Variants in CPNE5 observed in about 807,000 individuals in gnomAD.
The protein encoded by CPNE5 is copine 5.
CPNE5 carries 42 observed loss-of-function variants against 81.1 expected under a neutral mutation model. The observed-to-expected ratio is 0.52, with a 90% CI of 0.40 to 0.67. The LOEUF (loss-of-function observed/expected upper bound fraction) is 0.67, where lower values mean the gene tolerates loss of function less well. Among genes scored for constraint, CPNE5 ranks in the 30% least tolerant of loss-of-function variants. The pLI is 0.00. For synonymous variants in CPNE5, 313 were observed against 321.5 expected, an observed-to-expected ratio of 0.97 and a Z score of 0.28; for missense variants, 612 against 815.5, an observed-to-expected ratio of 0.75 and a Z score of 3.04.
chr6:36,822,982 G>T, intron 2 of CPNE5, 76 bp downstream of exon 2: 2 of 1,292,738 alleles, frequency 1.5e-6, no homozygotes, highest in Non-Finnish European at 2.1e-6. Context: ...CTCAGTAAGG[G>T]CTCAAGCATT....
intron 3 of CPNE5, among the ~76,000 whole-genome samples, chr6:36,807,814 A>G (rs1770733870): frequency 6.6e-6 from 1 of 152,090 alleles, no homozygotes; most frequent in Non-Finnish European, 1.5e-5. Flanking sequence ...CCTACGGGCT[A>G]CCCACAACAC....
At chr6:36,779,809 T>C (rs1283334662) in intron 8 of CPNE5, among the ~76,000 whole-genome samples, 1 of 152,186 alleles carries the variant, frequency 6.6e-6, no homozygotes, top group Admixed American at 6.5e-5. Context: ...GATGTCCCTG[T>C]TGTCCCCTTC....
chr6:36,822,854 T>C (rs9394384), intron 2 of CPNE5, among the ~76,000 whole-genome samples: 60,230 of 151,970 alleles, frequency 0.4, 12,333 homozygotes, highest in South Asian at 0.57. Flanking sequence ...GTGTTGAGGC[T>C]TCACAAGCGT....
In CPNE5 at chr6:36,782,403, G is replaced by A. The variant is rs6907914; in HGVS notation, c.529-3446C>T. Among the ~76,000 whole-genome samples, 720 of 152,246 alleles carry A rather than the reference G, an allele frequency of 4.7e-3. 4 individuals are homozygous for A. The highest frequency in any genetic ancestry group is 0.016 in the African/African-American group (678 of 41,534). Reference sequence around the variant, plus strand: ...TCAGGCCCTGTGAGATCAGGAATGGGGGAGAAATATTAGAAAAAATGAAAG... The same window carrying A: ...TCAGGCCCTGTGAGATCAGGAATGGAGGAGAAATATTAGAAAAAATGAAAG... On this transcript the variant is annotated intron_variant, in intron 8 of 20. Coordinates refer to ENST00000244751, the MANE Select transcript of CPNE5 (RefSeq NM_020939.2).
Position 36,756,233 on chromosome 6 carries a change from G to C in CPNE5, c.909+12C>G, listed in dbSNP as rs975701421. The C allele has an allele frequency of 6.2e-7, 1 of 1,612,568 alleles. No homozygotes were observed. Among genetic ancestry groups the C allele is most frequent in the Non-Finnish European group, 8.5e-7 (1 of 1,179,044 alleles). ...TCTACACCCGGCTGCAGAGACCGGGGTGGCTACTCACTGTGCCAGAATTCA... is the reference window on the plus strand; with the variant it reads ...TCTACACCCGGCTGCAGAGACCGGGCTGGCTACTCACTGTGCCAGAATTCA... On this transcript the variant is annotated intron_variant, in intron 13 of 20. Transcript: ENST00000244751.
chr6:36,792,322 G>T, intron 7 of CPNE5: 1 of 1,525,144 alleles, frequency 6.6e-7, no homozygotes, highest in South Asian at 1.2e-5. Flanking sequence ...CCCACCCCCT[G>T]CTCCCCGAGA....
chr6:36,744,083 C>T (rs977606635), intron 19 of CPNE5, among the ~76,000 whole-genome samples, 185 bp downstream of exon 19: 1 of 152,252 alleles, frequency 6.6e-6, no homozygotes, highest in East Asian at 1.9e-4. Context: ...CACACCCTTC[C>T]CTGAGCAAAC....
chr6:36,800,974 A>G (rs1770052081), intron 3 of CPNE5, among the ~76,000 whole-genome samples: 1 of 152,200 alleles, frequency 6.6e-6, no homozygotes. Context: ...GAGATGATTG[A>G]GGCCCCAGCC....
chr6:36,828,577 A>G (rs1267797632), intron 1 of CPNE5, among the ~76,000 whole-genome samples: 1 of 152,234 alleles, frequency 6.6e-6, no homozygotes, highest in African/African-American at 2.4e-5. Flanking sequence ...ATAGAAAGAA[A>G]CATTTTCCTG....
chr6:36,762,268 G>A (rs954354238), intron 12 of CPNE5, among the ~76,000 whole-genome samples: 3 of 145,372 alleles, frequency 2.1e-5, no homozygotes, highest in South Asian at 2.2e-4. Context: ...ACATGCACAC[G>A]CATACACACA....
intron 1 of CPNE5, among the ~76,000 whole-genome samples, chr6:36,824,680 C>T (rs1317513325): frequency 6.6e-6 from 1 of 152,252 alleles, no homozygotes; most frequent in Non-Finnish European, 1.5e-5. Context: ...GGTGTGGCTG[C>T]TCATGCCTGT....
At chr6:36,815,147 G>C (rs1322571417) in intron 3 of CPNE5, among the ~76,000 whole-genome samples, 1 of 145,690 alleles carries the variant, frequency 6.9e-6, no homozygotes, top group African/African-American at 2.6e-5. Flanking sequence ...GACATAGCAA[G>C]ACTCTGTCTC....
chr6:36,817,637 C>T (rs1446419511), intron 3 of CPNE5, among the ~76,000 whole-genome samples: 1 of 152,156 alleles, frequency 6.6e-6, no homozygotes, highest in Non-Finnish European at 1.5e-5. Context: ...CCCTCTGCTT[C>T]TACACCCAGC....
chr6:36,798,235 G>A lies in CPNE5; in HGVS notation c.334C>T (p.Leu112=). The A allele has an allele frequency of 6.2e-7, 1 of 1,613,262 alleles. No homozygotes were observed. Among genetic ancestry groups the A allele is most frequent in the Non-Finnish European group, 8.5e-7 (1 of 1,179,630 alleles). ...KSPDLSKHDF[L]GQAFCTLGEI... ...CCAAGGGTGCAGAAGGCCTGGCCCAGGAAATCCTGCATATCCAGGGAACAG... is the reference window on the plus strand; with the variant it reads ...CCAAGGGTGCAGAAGGCCTGGCCCAAGAAATCCTGCATATCCAGGGAACAG... Residue 112 remains leucine, a synonymous_variant, in exon 6 of 21, where the codon CTG becomes TTG. Coordinates refer to ENST00000244751, the MANE Select transcript of CPNE5 (RefSeq NM_020939.2).
intron 3 of CPNE5, among the ~76,000 whole-genome samples, chr6:36,809,438 T>C (rs1423624978): frequency 2.0e-5 from 3 of 151,960 alleles, no homozygotes; most frequent in Non-Finnish European, 4.4e-5. Flanking sequence ...TAGCCAGGCA[T>C]GGAAGCACAC....
chr6:36,784,275 C>T (rs888363744), intron 8 of CPNE5, among the ~76,000 whole-genome samples: 2 of 152,196 alleles, frequency 1.3e-5, no homozygotes, highest in Non-Finnish European at 1.5e-5. Context: ...TGCATTGTTG[C>T]ACCATTGTAG....
chr6:36,835,152 C>T (rs1773371385), intron 1 of CPNE5, among the ~76,000 whole-genome samples: 1 of 152,246 alleles, frequency 6.6e-6, no homozygotes. Context: ...GGGAACCCAC[C>T]ATGTGGAACT....
chr6:36,787,800 C>T (rs1768700863), intron 8 of CPNE5, among the ~76,000 whole-genome samples: 1 of 152,168 alleles, frequency 6.6e-6, no homozygotes, highest in Admixed American at 6.5e-5. Context: ...CACCCTTCTT[C>T]CTCCATCACT....
chr6:36,829,598 A>C (rs1772804814), intron 1 of CPNE5, among the ~76,000 whole-genome samples: 1 of 152,104 alleles, frequency 6.6e-6, no homozygotes, highest in South Asian at 2.1e-4. Flanking sequence ...GGATCACTTG[A>C]GGTCAGGAGT....
Sources: gnomAD v4.1 joint callset for allele counts (sites outside exome capture counted in the v4.1 genomes callset) on GRCh38, gnomAD v4.1.1 for gene constraint, MANE v1.5 for transcripts, NCBI Gene and HGNC (gene_info 2026-07-23, HGNC 2026-07-21) for gene names.